The following DDX10 variants were observed in gnomAD, a reference collection of about 807,000 sequenced individuals.
DDX10 encodes DEAD-box helicase 10, also known as probable ATP-dependent RNA helicase DDX10.
A neutral mutation model predicts 104.3 loss-of-function variants in DDX10; 74 were observed. That is an observed-to-expected ratio of 0.71 (90% CI 0.59 to 0.86). DDX10 has a LOEUF of 0.86. DDX10 is among the 40% of genes least tolerant of loss of function. DDX10 has a pLI of 0.00. For synonymous variants in DDX10, 351 were observed against 353.4 expected (o/e 0.99, Z 0.08); for missense variants, 952 against 1,040.0 (o/e 0.92, Z 1.16).
chr11:108,792,066 T>G (rs1257257572), intron 13 of DDX10, among the ~76,000 whole-genome samples: 2 of 152,180 alleles, frequency 1.3e-5, no homozygotes, highest in African/African-American at 4.8e-5. Flanking sequence ...TGCGTTTACC[T>G]TTTATATATC....
chr11:108,851,727 T>C (rs1862795839), intron 15 of DDX10, among the ~76,000 whole-genome samples: 2 of 150,890 alleles, frequency 1.3e-5, no homozygotes, highest in African/African-American at 5.0e-5. Flanking sequence ...TCAGTCATTT[T>C]CTAAAGAAGC....
chr11:108,895,926 C>G (rs537864333), intron 16 of DDX10, among the ~76,000 whole-genome samples: 2 of 152,078 alleles, frequency 1.3e-5, no homozygotes, highest in Non-Finnish European at 2.9e-5. Flanking sequence ...TTGAAATAAA[C>G]CATTTATGCC....
chr11:108,774,796 T>G (rs774087763), intron 13 of DDX10, among the ~76,000 whole-genome samples: 1 of 152,180 alleles, frequency 6.6e-6, no homozygotes. Flanking sequence ...CGTTCTCCGG[T>G]ATGCTTTGAG....
intron 1 of DDX10, among the ~76,000 whole-genome samples, chr11:108,665,953 G>C (rs746322858): frequency 5.9e-5 from 9 of 152,142 alleles, no homozygotes; most frequent in Non-Finnish European, 1.3e-4. Flanking sequence ...AGAAAAGCTG[G>C]ACCGCTGGTC....
At chr11:108,838,006 G>A (rs1259546910) in intron 13 of DDX10, among the ~76,000 whole-genome samples, 2 of 152,050 alleles carry the variant, frequency 1.3e-5, no homozygotes, top group Non-Finnish European at 2.9e-5. Context: ...TTGCAACGTT[G>A]CAAACAATGT....
intron 13 of DDX10, among the ~76,000 whole-genome samples, chr11:108,754,783 G>T (rs2094342593): frequency 6.6e-6 from 1 of 151,988 alleles, no homozygotes; most frequent in Non-Finnish European, 1.5e-5. Flanking sequence ...TGAGAACGGA[G>T]AGCAAACCTT....
At chr11:108,834,016 A>G (rs1325684209) in intron 13 of DDX10, among the ~76,000 whole-genome samples, 1 of 151,922 alleles carries the variant, frequency 6.6e-6, no homozygotes, top group Non-Finnish European at 1.5e-5. Flanking sequence ...ATTGCAGTGG[A>G]GTGATCACAG....
At chr11:108,897,024 T>C (rs1204034479) in intron 16 of DDX10, among the ~76,000 whole-genome samples, 2 of 152,108 alleles carry the variant, frequency 1.3e-5, no homozygotes, top group African/African-American at 4.8e-5. Context: ...AAATTTCTTA[T>C]TACACTTTAG....
intron 16 of DDX10, among the ~76,000 whole-genome samples, chr11:108,876,992 C>G (rs1863161864): frequency 6.6e-6 from 1 of 152,092 alleles, no homozygotes; most frequent in African/African-American, 2.4e-5. Flanking sequence ...CCTCCCAAAC[C>G]TTTACTACTT....
intron 16 of DDX10, among the ~76,000 whole-genome samples, chr11:108,901,426 A>G (rs1863515666): frequency 6.6e-6 from 1 of 152,198 alleles, no homozygotes. Flanking sequence ...CCATATGTGT[A>G]GCTAACTTTT....
intron 13 of DDX10, among the ~76,000 whole-genome samples, chr11:108,739,230 T>A (rs948910605): frequency 3.3e-5 from 5 of 152,212 alleles, no homozygotes; most frequent in Admixed American, 6.5e-5. Flanking sequence ...ACTCTGAATT[T>A]TTCTGTTTTT....
intron 13 of DDX10, among the ~76,000 whole-genome samples, chr11:108,824,826 A>G (rs1298128197): frequency 6.6e-6 from 1 of 152,018 alleles, no homozygotes; most frequent in Non-Finnish European, 1.5e-5. Flanking sequence ...GCAAATACAT[A>G]TTTCCCAGCC....
At chr11:108,781,961 T>G (rs2094378781) in intron 13 of DDX10, among the ~76,000 whole-genome samples, 2 of 152,194 alleles carry the variant, frequency 1.3e-5, no homozygotes, top group African/African-American at 4.8e-5. Flanking sequence ...TCAGAAGAGA[T>G]TCTTCTGGGA....
intron 17 of DDX10, among the ~76,000 whole-genome samples, chr11:108,934,175 T>A (rs1174163305): frequency 6.6e-6 from 1 of 152,162 alleles, no homozygotes; most frequent in African/African-American, 2.4e-5. Context: ...TGAGGATGGT[T>A]GTAGAAGCCC....
At chr11:108,684,781 C>G (rs2094241136) in intron 6 of DDX10, among the ~76,000 whole-genome samples, 2 of 148,856 alleles carry the variant, frequency 1.3e-5, no homozygotes, top group African/African-American at 5.0e-5. Flanking sequence ...GCCACACTGA[C>G]TTCCACAATG....
chr11:108,775,643 T>C (rs1274309511), intron 13 of DDX10, among the ~76,000 whole-genome samples: 1 of 152,254 alleles, frequency 6.6e-6, no homozygotes, highest in African/African-American at 2.4e-5. Flanking sequence ...ATAGCTATGA[T>C]ATTAAAAAAT....
intron 13 of DDX10, among the ~76,000 whole-genome samples, chr11:108,823,375 C>G (rs1381311388): frequency 6.6e-6 from 1 of 152,164 alleles, no homozygotes; most frequent in African/African-American, 2.4e-5. Context: ...GCTTGTTTCA[C>G]TTTCTGTTAA....
chr11:108,668,815 A>G (rs2094213400), intron 1 of DDX10, among the ~76,000 whole-genome samples: 1 of 152,198 alleles, frequency 6.6e-6, no homozygotes, highest in East Asian at 1.9e-4. Flanking sequence ...AAATGTTATA[A>G]TAGTAAGTTT....
At chr11:108,782,969 A>T (rs1171878772) in intron 13 of DDX10, among the ~76,000 whole-genome samples, 1 of 152,158 alleles carries the variant, frequency 6.6e-6, no homozygotes, top group African/African-American at 2.4e-5. Context: ...CTTCACCCAC[A>T]TATGCTTTGT....
Sources: gnomAD v4.1 joint callset for allele counts (sites outside exome capture counted in the v4.1 genomes callset) on GRCh38, gnomAD v4.1.1 for gene constraint, MANE v1.5 for transcripts, NCBI Gene and HGNC (gene_info 2026-07-23, HGNC 2026-07-21) for gene names.